CHSY3: variants seen among roughly 807,000 people sequenced by gnomAD.
CHSY3 encodes the protein N-acetylgalactosaminyl-proteoglycan 3-beta-glucuronosyltransferase 3.
In CHSY3, 35 loss-of-function variants were observed where a neutral mutation model predicts 67.2. The observed-to-expected ratio is 0.52, with a 90% CI of 0.40 to 0.69. CHSY3 has a LOEUF of 0.69. Among genes scored for constraint, CHSY3 ranks in the 30% least tolerant of loss-of-function variants. The pLI, the probability that CHSY3 is intolerant of heterozygous loss-of-function variation, is 0.00. For synonymous variants in CHSY3, 474 were observed against 434.7 expected, an observed-to-expected ratio of 1.09 and a Z score of -1.12; for missense variants, 1,069 against 1,138.5, an observed-to-expected ratio of 0.94 and a Z score of 0.88.
At position 129,905,485 on chromosome 5, in the gene CHSY3, C is replaced by T. The variant is rs1472603407; in HGVS notation, c.656C>T (p.Pro219Leu). Residue 219 changes from proline (P) to leucine (L), a missense_variant, in exon 1 of 3, where the codon CCA (proline) becomes CTA (leucine). Transcript: ENST00000305031. ...QQPPNAGQPP[P>L]PLPVIALPGV... ...CCCCCCAACGCCGGCCAGCCCCCGC[C>T]ACCCCTGCCTGTCATCGCGCTACCG... The T allele has an allele frequency of 5.6e-6, 9 of 1,613,124 alleles. No individual in the cohort carries two copies. Among genetic ancestry groups the T allele is most frequent in the African/African-American group, 1.3e-5 (1 of 75,058 alleles).
intron 2 of CHSY3, among the ~76,000 whole-genome samples, chr5:129,974,346 A>C (rs1332388718): frequency 1.3e-5 from 2 of 152,060 alleles, no homozygotes; most frequent in African/African-American, 4.8e-5. Flanking sequence ...TGACTTGGTG[A>C]TACTGCGACC....
chr5:130,140,452 G>T lies in CHSY3; in HGVS notation c.1087-43777G>T, dbSNP rs1273815938. On this transcript the variant is annotated intron_variant, in intron 2 of 2. Coordinates refer to ENST00000305031, the MANE Select transcript of CHSY3 (RefSeq NM_175856.5). ...TGGAAAGACTGTTACCAATGCTGTG[G>T]TCACAGTGCCAGCTTACTTTAATGA... 4 of 1,121,234 alleles carry T rather than the reference G, an allele frequency of 3.6e-6. No individual in the cohort carries two copies. The African/African-American group carries it at 6.4e-5, about 18-fold the overall frequency. 69.5% of individuals were successfully genotyped at this position (1,121,234 alleles called of 1,614,324 possible).
intron 2 of CHSY3, among the ~76,000 whole-genome samples, chr5:129,946,846 C>T (rs1433516193): frequency 6.6e-6 from 1 of 152,150 alleles, no homozygotes; most frequent in Non-Finnish European, 1.5e-5. Flanking sequence ...GACACCCAAG[C>T]CGTTTATATA....
At chr5:129,967,510 T>C (rs900494358) in intron 2 of CHSY3, among the ~76,000 whole-genome samples, 2 of 151,884 alleles carry the variant, frequency 1.3e-5, no homozygotes, top group Non-Finnish European at 2.9e-5. Flanking sequence ...ATCTAATATT[T>C]ACCAGTCGCT....
chr5:130,096,092 T>TAACAAC (rs1397863085), intron 2 of CHSY3, among the ~76,000 whole-genome samples: 1 of 152,116 alleles, frequency 6.6e-6, no homozygotes, highest in Admixed American at 6.6e-5. Context: ...ACTAAGGGCA[T>TAACAAC]AACAACTAAA....
intron 1 of CHSY3, among the ~76,000 whole-genome samples, chr5:129,906,204 G>T (rs1395333083): frequency 1.3e-5 from 2 of 151,938 alleles, no homozygotes; most frequent in African/African-American, 2.4e-5. Context: ...CTTCCCTTTG[G>T]CTCAACTCTC....
At position 129,905,975 on chromosome 5, in the gene CHSY3, T is replaced by C. The variant is rs139337356; in HGVS notation, c.802+344T>C. On this transcript the variant is annotated intron_variant, in intron 1 of 2. Coordinates refer to ENST00000305031, the MANE Select transcript of CHSY3 (RefSeq NM_175856.5). The stretch of plus-strand genomic sequence containing the variant: ...ACCAAAGGCCATTCCCACTCTGCCC[T>C]CCTCTGAAAGCCCCTGCTGATGGTA... 28 of 302,536 alleles carry C rather than the reference T, an allele frequency of 9.3e-5. 1 individual carries two copies. The East Asian group carries it at 1.8e-3, about 19-fold the overall frequency. 18.7% of individuals were successfully genotyped at this position (302,536 alleles called of 1,614,324 possible). A position where few individuals can be genotyped will look rare whatever the true frequency, so the allele number is the denominator to read the frequency against.
intron 2 of CHSY3, among the ~76,000 whole-genome samples, chr5:129,944,479 C>T (rs1374586107): frequency 7.9e-5 from 12 of 151,756 alleles, no homozygotes; most frequent in East Asian, 3.9e-4. Flanking sequence ...GGATTACAGG[C>T]GAACACCACC....
intron 2 of CHSY3, among the ~76,000 whole-genome samples, chr5:130,106,819 A>G (rs77831363): frequency 6.6e-6 from 1 of 151,664 alleles, no homozygotes. Flanking sequence ...ATGCAAGGAA[A>G]CATGGAAATT....
rs142450769 is a variant in CHSY3, at chr5:130,055,827, A to C, written c.1087-128402A>C. ...GATGATGTATTCAGTGTCTGAGCTC[A>C]TGCAGGGCAGTGGCAGTGGCACCTT... On this transcript the variant is annotated intron_variant, in intron 2 of 2. Coordinates refer to ENST00000305031, the MANE Select transcript of CHSY3 (RefSeq NM_175856.5). Among the ~76,000 whole-genome samples, 310 of 152,230 alleles carry C rather than the reference A, an allele frequency of 2.0e-3. 3 individuals are homozygous for C. The highest frequency in any genetic ancestry group is 6.8e-3 in the African/African-American group (283 of 41,528).
chr5:130,126,562 AAGAG>A (rs1159145767), intron 2 of CHSY3, among the ~76,000 whole-genome samples: 3 of 151,638 alleles, frequency 2.0e-5, no homozygotes, highest in African/African-American at 7.3e-5. Flanking sequence ...CAGAGAGAGA[AAGAG>A]AGAGAGAGAA....
intron 2 of CHSY3, among the ~76,000 whole-genome samples, chr5:130,168,006 C>T (rs1769796157): frequency 6.6e-6 from 1 of 152,094 alleles, no homozygotes. Flanking sequence ...CTGGAATAGA[C>T]ACACATGCAC....
chr5:129,962,038 A>G (rs1716836652), intron 2 of CHSY3, among the ~76,000 whole-genome samples: 1 of 151,782 alleles, frequency 6.6e-6, no homozygotes. Context: ...CAGGGGTCCT[A>G]CTCATCTCAT....
At chr5:129,996,598 G>A (rs973813970) in intron 2 of CHSY3, among the ~76,000 whole-genome samples, 8 of 152,304 alleles carry the variant, frequency 5.3e-5, no homozygotes, top group African/African-American at 1.9e-4. Flanking sequence ...AAAATGCACA[G>A]CAAAGTTCTG....
intron 2 of CHSY3, among the ~76,000 whole-genome samples, chr5:130,126,434 A>G (rs1580760338): frequency 1.3e-5 from 2 of 152,114 alleles, no homozygotes; most frequent in Non-Finnish European, 2.9e-5. Context: ...AATTATACTC[A>G]TGGTATTAGG....
At position 129,904,511 on chromosome 5, in the gene CHSY3, G is replaced by GCTC. The variant is rs896021919; in HGVS notation, c.-304_-302dup. On this transcript the variant is annotated 5_prime_UTR_variant, in exon 1 of 3. Transcript: ENST00000305031. ...GAGCGGACGCGTTGCCGCCGCCGCT[G>GCTC]CTCCTCCTCCTCCTCCTGCAGCTCC... 1,300 of 263,588 alleles carry GCTC rather than the reference G, an allele frequency of 4.9e-3. 3 individuals carry two copies. Among genetic ancestry groups the GCTC allele is most frequent in the Non-Finnish European group, 7.1e-3 (1,022 of 143,170 alleles). 16.3% of individuals were successfully genotyped at this position (263,588 alleles called of 1,614,324 possible). A position where few individuals can be genotyped will look rare whatever the true frequency, so the allele number is the denominator to read the frequency against.
chr5:129,929,992 G>T (rs1173377536), intron 2 of CHSY3, among the ~76,000 whole-genome samples: 1 of 152,126 alleles, frequency 6.6e-6, no homozygotes, highest in East Asian at 1.9e-4. Context: ...GGACATCAGA[G>T]TATACCTGAA....
chr5:130,150,590 T>C (rs148468011), intron 2 of CHSY3, among the ~76,000 whole-genome samples: 1 of 152,144 alleles, frequency 6.6e-6, no homozygotes, highest in African/African-American at 2.4e-5. Flanking sequence ...GATAAAAATT[T>C]TATGATTATA....
intron 2 of CHSY3, among the ~76,000 whole-genome samples, chr5:130,073,455 T>C (rs866106451): frequency 2.0e-5 from 3 of 151,788 alleles, no homozygotes; most frequent in Non-Finnish European, 4.4e-5. Flanking sequence ...GCCTGACTAG[T>C]TTTGGTATTT....
Sources: allele counts gnomAD v4.1 joint callset (sites outside exome capture counted in the v4.1 genomes callset), GRCh38; gene constraint gnomAD v4.1.1; transcripts MANE v1.5; gene names NCBI Gene and HGNC (gene_info 2026-07-23, HGNC 2026-07-21).